Variants in DDX60L observed in about 807,000 individuals in gnomAD.
DDX60L encodes the protein probable ATP-dependent RNA helicase DDX60-like.
A neutral mutation model predicts 211.6 loss-of-function variants in DDX60L; 191 were observed. That is an observed-to-expected ratio of 0.90 (90% CI 0.80 to 1.02). DDX60L has a LOEUF of 1.02. Ranked by LOEUF, DDX60L falls within the 50% of genes least tolerant of loss-of-function variation. DDX60L has a pLI of 0.00. For missense variants in DDX60L, 2,007 were observed against 1,984.1 expected, an observed-to-expected ratio of 1.01 and a Z score of -0.22; for synonymous variants, 706 against 694.1, an observed-to-expected ratio of 1.02 and a Z score of -0.27.
At chr4:168,465,768 C>T (rs1196760229) in intron 4 of DDX60L, among the ~76,000 whole-genome samples, 5 of 152,220 alleles carry the variant, frequency 3.3e-5, no homozygotes, top group South Asian at 2.1e-4. Flanking sequence ...CCCCAGTGAA[C>T]GTTCTTGATA....
chr4:168,380,352 G>A (rs2149678521), intron 30 of DDX60L: 1 of 152,494 alleles, frequency 6.6e-6, no homozygotes, highest in African/African-American at 2.4e-5. Context: ...GATCATGGAG[G>A]TGAATTTCCC....
chr4:168,404,186 T>C (rs1386880861), intron 24 of DDX60L, 80 bp from the exon 25 acceptor site: 2 of 1,015,790 alleles, frequency 2.0e-6, no homozygotes, highest in East Asian at 3.3e-5. Flanking sequence ...TATTTTGTTG[T>C]CTAAAATTAG....
intron 10 of DDX60L, among the ~76,000 whole-genome samples, chr4:168,439,037 T>A (rs1275598826): frequency 2.0e-5 from 3 of 152,078 alleles, no homozygotes; most frequent in African/African-American, 7.2e-5. Flanking sequence ...GAAGGAAGAG[T>A]TAACATGCCG....
intron 29 of DDX60L, chr4:168,390,504 AT>A: frequency 7.1e-7 from 1 of 1,405,710 alleles, no homozygotes; most frequent in Non-Finnish European, 9.2e-7. Flanking sequence ...CAGTCTTCAT[AT>A]TCCAGTCTAG....
chr4:168,372,109 T>C (rs1741137941), intron 35 of DDX60L, among the ~76,000 whole-genome samples: 1 of 152,136 alleles, frequency 6.6e-6, no homozygotes, highest in East Asian at 1.9e-4. Flanking sequence ...AAATAGAAGC[T>C]GATTTTAAGG....
chr4:168,420,603 C>T (rs1750384035), intron 17 of DDX60L, among the ~76,000 whole-genome samples: 1 of 115,678 alleles, frequency 8.6e-6, no homozygotes. Flanking sequence ...ATTTTAAACA[C>T]ACACACACAT....
intron 27 of DDX60L, chr4:168,395,619 T>G (rs1234009229): frequency 1.1e-5 from 2 of 174,138 alleles, no homozygotes; most frequent in East Asian, 3.2e-4. Flanking sequence ...AACTTTCAGT[T>G]GACATTATTT....
At chr4:168,462,828 A>AAAAAC (rs1310912008) in intron 4 of DDX60L, among the ~76,000 whole-genome samples, 1 of 151,924 alleles carries the variant, frequency 6.6e-6, no homozygotes, top group Non-Finnish European at 1.5e-5. Flanking sequence ...AAACAAAAAC[A>AAAAAC]AAAGAAGACA....
chr4:168,382,397 T>A (rs970254723), intron 30 of DDX60L, among the ~76,000 whole-genome samples: 2 of 152,142 alleles, frequency 1.3e-5, no homozygotes, highest in African/African-American at 2.4e-5. Context: ...TAAGATCAAG[T>A]GAGTAGTGGA....
In DDX60L at chr4:168,459,304, A is replaced by G. The variant is rs575813897; in HGVS notation, c.607-1296T>C. On this transcript the variant is annotated intron_variant, in intron 5 of 37. Coordinates refer to ENST00000682922, the MANE Select transcript of DDX60L (RefSeq NM_001012967.3). ...AGTTTGAAACCAGCCTGGGCAACAT[A>G]GCGAGACCCTATATAAATAAATAAA... Among the ~76,000 whole-genome samples, 78 of 150,276 alleles carry G rather than the reference A, an allele frequency of 5.2e-4. 1 individual carries two copies. The highest frequency in any genetic ancestry group is 1.8e-3 in the African/African-American group (74 of 40,880).
At chr4:168,458,819 T>A (rs1756932054) in intron 5 of DDX60L, among the ~76,000 whole-genome samples, 1 of 152,224 alleles carries the variant, frequency 6.6e-6, no homozygotes, top group African/African-American at 2.4e-5. Flanking sequence ...AAAGTTAAAT[T>A]AATTTTTTTA....
Position 168,419,331 on chromosome 4 carries a change from C to T in DDX60L, c.2581G>A (p.Glu861Lys). The T allele has an allele frequency of 1.3e-6, 2 of 1,599,196 alleles. No individual in the cohort carries two copies. Among genetic ancestry groups the T allele is most frequent in the Non-Finnish European group, 1.7e-6 (2 of 1,171,700 alleles). Residue 861 changes from glutamate to lysine, a missense_variant, in exon 19 of 38, where the codon GAA (glutamate) becomes AAA (lysine). Physicochemically the swap from Glu to Lys is moderately conservative, Grantham distance 56. Coordinates refer to ENST00000682922, the MANE Select transcript of DDX60L (RefSeq NM_001012967.3). Reference protein sequence around the residue: ...LLAPHRQKWVERIRYVIFDEV... With the variant: ...LLAPHRQKWVKRIRYVIFDEV... ...TCAAATATAACATATCTGATCCTTT[C>T]CACCCATTTTTGGCGATGAGGAGCA...
intron 36 of DDX60L, among the ~76,000 whole-genome samples, chr4:168,361,910 A>G (rs1739176094): frequency 6.6e-6 from 1 of 152,174 alleles, no homozygotes; most frequent in African/African-American, 2.4e-5. Context: ...CTAAGCAGCT[A>G]TGGCATGATG....
In DDX60L at chr4:168,420,226, A is replaced by T. The variant is rs147032831; in HGVS notation, c.2514+35T>A. 15 of 1,488,714 alleles carry T rather than the reference A, an allele frequency of 1.0e-5. No homozygotes were observed. In the African/African-American group the frequency reaches 1.7e-4, roughly 17 times the overall value. The allele number at this position is 1,488,714 out of a possible 1,614,324, so 92.2% of individuals were successfully genotyped here. A position where few individuals can be genotyped will look rare whatever the true frequency, so the allele number is the denominator to read the frequency against. On this transcript the variant is annotated intron_variant, in intron 18 of 37. Coordinates refer to ENST00000682922, the MANE Select transcript of DDX60L (RefSeq NM_001012967.3). Reference sequence around the variant, plus strand: ...ACAGTTATATAAGTACTGCTCTATAATTTGATAATAAACTCATTAATTAAT... The same window carrying T: ...ACAGTTATATAAGTACTGCTCTATATTTTGATAATAAACTCATTAATTAAT...
In DDX60L at chr4:168,457,879, A is replaced by C. The variant is rs1391162344; in HGVS notation, c.723+13T>G. On this transcript the variant is annotated intron_variant, in intron 6 of 37. Coordinates refer to ENST00000682922, the MANE Select transcript of DDX60L (RefSeq NM_001012967.3). ...TATCAAACTTTTATTTAAAGAAATAAAAATTTTAATACCTCTTCCATCATA... is the reference window on the plus strand; with the variant it reads ...TATCAAACTTTTATTTAAAGAAATACAAATTTTAATACCTCTTCCATCATA... 2 of 1,452,416 alleles carry C rather than the reference A, an allele frequency of 1.4e-6. No individual in the cohort carries two copies. Among genetic ancestry groups the C allele is most frequent in the East Asian group, 2.5e-5 (1 of 40,412 alleles). The allele number at this position is 1,452,416 out of a possible 1,614,324, so 90.0% of individuals were successfully genotyped here.
intron 22 of DDX60L, among the ~76,000 whole-genome samples, chr4:168,409,855 G>T (rs1314850676): frequency 6.6e-6 from 1 of 152,200 alleles, no homozygotes; most frequent in East Asian, 1.9e-4. Flanking sequence ...CCTTGGACTA[G>T]TTAAACAACC....
At chr4:168,423,542 ATTAG>A (rs2149892581) in intron 15 of DDX60L, 62 bp downstream of exon 15, 3 of 1,116,584 alleles carry the variant, frequency 2.7e-6, no homozygotes, top group Admixed American at 2.9e-5. Flanking sequence ...CATTAGACCT[ATTAG>A]TTATTCTTCC....
rs141124305 is a variant in DDX60L at position 168,368,099 on chromosome 4, C to T, written c.4928+3513G>A. 1.8e-3 allele frequency among the ~76,000 whole-genome samples: 270 copies of T among 152,318 alleles called. 2 individuals are homozygous for T. The highest frequency in any genetic ancestry group is 6.8e-3 in the Middle Eastern group (2 of 294). ...TTTGCATAAGTAACAAGGAGCCTAA[C>T]GTTAATCCCCAAGACAACGGGGTAA... On this transcript the variant is annotated intron_variant, in intron 36 of 37. Coordinates refer to ENST00000682922, the MANE Select transcript of DDX60L (RefSeq NM_001012967.3).
intron 1 of DDX60L, among the ~76,000 whole-genome samples, chr4:168,473,042 T>C (rs1350609341): frequency 1.3e-5 from 2 of 152,166 alleles, no homozygotes; most frequent in African/African-American, 2.4e-5. Flanking sequence ...TACTCCCTTA[T>C]AGTTAATTTG....
Sources: gnomAD v4.1 joint callset for allele counts (sites outside exome capture counted in the v4.1 genomes callset) on GRCh38, gnomAD v4.1.1 for gene constraint, MANE v1.5 for transcripts, NCBI Gene and HGNC (gene_info 2026-07-23, HGNC 2026-07-21) for gene names.